NECTIN3: variants seen among roughly 807,000 people sequenced by gnomAD.
NECTIN3 encodes nectin-3.
NECTIN3 carries 8 observed loss-of-function variants against 49.4 expected under a neutral mutation model. The ratio of observed to expected loss-of-function variants is 0.16; its 90% CI spans 0.10 to 0.29. The LOEUF is 0.29. Ranked by LOEUF, NECTIN3 falls within the 10% of genes least tolerant of loss-of-function variation. The pLI is 1.00. For synonymous variants in NECTIN3, 277 were observed against 241.1 expected (o/e 1.15, Z -1.38); for missense variants, 581 against 654.6 (o/e 0.89, Z 1.23).
intron 7 of NECTIN3, chr3:111,147,503 A>C: frequency 6.9e-7 from 1 of 1,457,838 alleles, no homozygotes; most frequent in Non-Finnish European, 9.2e-7. Flanking sequence ...TCATGAGTAC[A>C]CTTAAGATAA....
chr3:111,075,523 T>G (rs1036509675), intron 1 of NECTIN3, among the ~76,000 whole-genome samples: 11 of 152,138 alleles, frequency 7.2e-5, no homozygotes, highest in African/African-American at 2.7e-4. Flanking sequence ...TGAAATATAG[T>G]AACACTCAAA....
At chr3:111,088,182 G>A (rs2032044498) in intron 1 of NECTIN3, among the ~76,000 whole-genome samples, 1 of 152,024 alleles carries the variant, frequency 6.6e-6, no homozygotes, top group East Asian at 1.9e-4. Context: ...AGAAGAGTGA[G>A]TTCTCACTCT....
At chr3:111,074,196 C>T (rs776950389) in intron 1 of NECTIN3, 19 of 455,862 alleles carry the variant, frequency 4.2e-5, no homozygotes, top group Middle Eastern at 3.2e-4. Context: ...TTGAATAGGG[C>T]ACAGATGTTG....
chr3:111,188,893 T>G (rs533668421), upstream of NECTIN3, among the ~76,000 whole-genome samples: 1 of 152,290 alleles, frequency 6.6e-6, no homozygotes, highest in African/African-American at 2.4e-5. Context: ...CAGCACATCT[T>G]CCAACCAAAT....
chr3:111,139,258 A>G (rs1418610599), downstream of NECTIN3, among the ~76,000 whole-genome samples: 4 of 151,748 alleles, frequency 2.6e-5, no homozygotes, highest in Non-Finnish European at 4.4e-5. Context: ...TTCTAATTGT[A>G]TGTATTTTGC....
At chr3:111,097,557 T>G (rs2107410738) in intron 1 of NECTIN3, among the ~76,000 whole-genome samples, 1 of 152,268 alleles carries the variant, frequency 6.6e-6, no homozygotes, top group South Asian at 2.1e-4. Context: ...TTCCCACATG[T>G]TGTGGGAGGG....
intron 7 of NECTIN3, among the ~76,000 whole-genome samples, chr3:111,162,184 G>GAAAATT: frequency 6.6e-6 from 1 of 152,060 alleles, no homozygotes; most frequent in African/African-American, 2.4e-5. Context: ...CATAGACCTT[G>GAAAATT]AAAATTAAAC....
chr3:111,180,865 C>T (rs765063144), intron 7 of NECTIN3, among the ~76,000 whole-genome samples: 1 of 152,114 alleles, frequency 6.6e-6, no homozygotes, highest in Non-Finnish European at 1.5e-5. Flanking sequence ...TCAATGACTT[C>T]TCAGTTTACT....
At chr3:111,101,029 G>A (rs1421039559) in intron 1 of NECTIN3, among the ~76,000 whole-genome samples, 1 of 152,058 alleles carries the variant, frequency 6.6e-6, no homozygotes, top group Non-Finnish European at 1.5e-5. Flanking sequence ...TGAAAGCCAG[G>A]AGGCTGCTTC....
chr3:111,176,981 C>G (rs1030581246), intron 7 of NECTIN3, among the ~76,000 whole-genome samples: 9 of 152,070 alleles, frequency 5.9e-5, no homozygotes, highest in African/African-American at 2.2e-4. Flanking sequence ...AAAATACATT[C>G]CGTATTGAAG....
Position 111,136,635 on chromosome 3 carries a change from A to G in NECTIN3, c.*2420A>G, listed in dbSNP as rs1016006080. The stretch of plus-strand genomic sequence containing the variant: ...TAGTTTTTGAATACCAGTGATATTC[A>G]TAACTACTTGACAGGTATATATGAA... On this transcript the variant is annotated 3_prime_UTR_variant, in exon 6 of 6. Transcript: ENST00000485303. 8.5e-5 allele frequency: 77 copies of G among 909,068 alleles called. No individual in the cohort carries two copies. The highest frequency in any genetic ancestry group is 1.2e-4 in the Admixed American group (2 of 16,052). The allele number at this position is 909,068 out of a possible 1,614,324, so 56.3% of individuals were successfully genotyped here.
intron 1 of NECTIN3, among the ~76,000 whole-genome samples, chr3:111,089,435 A>ATATAAATATGTATATG (rs2032126664): frequency 6.7e-6 from 1 of 149,492 alleles, no homozygotes; most frequent in Non-Finnish European, 1.5e-5. Context: ...GTGTGTATGT[A>ATATAAATATGTATATG]TATAAACATA....
chr3:111,095,615 A>G (rs760507281), intron 1 of NECTIN3, among the ~76,000 whole-genome samples: 4 of 152,294 alleles, frequency 2.6e-5, no homozygotes, highest in Non-Finnish European at 4.4e-5. Flanking sequence ...TCCTCACCCA[A>G]ATCTCATCTT....
intron 7 of NECTIN3, among the ~76,000 whole-genome samples, chr3:111,164,482 C>T (rs73854921): frequency 0.033 from 4,974 of 152,060 alleles, 95 homozygotes; most frequent in Middle Eastern, 0.058. Context: ...TATATATTTC[C>T]ACACTGCCTT....
chr3:111,167,194 T>G (rs920166509), intron 7 of NECTIN3, among the ~76,000 whole-genome samples: 3 of 152,246 alleles, frequency 2.0e-5, no homozygotes, highest in African/African-American at 7.2e-5. Flanking sequence ...TTTAAAGAGA[T>G]AACTCTACAT....
At chr3:111,173,228 G>C (rs1461331106) in intron 7 of NECTIN3, among the ~76,000 whole-genome samples, 1 of 152,168 alleles carries the variant, frequency 6.6e-6, no homozygotes, top group Non-Finnish European at 1.5e-5. Context: ...ACCTGCATCT[G>C]CTCCACATCT....
In NECTIN3 at chr3:111,136,954, G is replaced by A. The variant is rs2034599720; in HGVS notation, c.*2739G>A. 1.0e-6 allele frequency: 1 copy of A among 975,660 alleles called. No homozygotes were observed. The highest frequency in any genetic ancestry group is 1.2e-6 in the Non-Finnish European group (1 of 821,306). The allele number at this position is 975,660 out of a possible 1,614,324, so 60.4% of individuals were successfully genotyped here. ...TTAGTATTTTACCACGTGCCTAGTAGGGTTCTATTTGCTAACTCTAATATT... is the reference window on the plus strand; with the variant it reads ...TTAGTATTTTACCACGTGCCTAGTAAGGTTCTATTTGCTAACTCTAATATT... On this transcript the variant is annotated 3_prime_UTR_variant, in exon 6 of 6. Coordinates refer to ENST00000485303, the MANE Select transcript of NECTIN3 (RefSeq NM_015480.3).
chr3:111,152,527 T>G (rs1189607585), intron 7 of NECTIN3, among the ~76,000 whole-genome samples: 1 of 151,920 alleles, frequency 6.6e-6, no homozygotes, highest in Admixed American at 6.6e-5. Context: ...TTCCTGCAAA[T>G]TGTTATTCTT....
chr3:111,072,150 C>T lies in NECTIN3; in HGVS notation c.133C>T (p.Pro45Ser), dbSNP rs200790665. ...TPPPLLLLLF[P>S]LLLFSRLCGA... ...ACCTCCGCTGCTGCTGCTGCTCTTCCCGCTGCTGCTCTTCTCCAGGCTCTG... is the reference window on the plus strand; with the variant it reads ...ACCTCCGCTGCTGCTGCTGCTCTTCTCGCTGCTGCTCTTCTCCAGGCTCTG... The change falls in exon 1 of 6, where the codon CCG becomes TCG. Residue 45 changes from proline (P) to serine (S), a missense_variant. By Grantham distance (74) the Pro-to-Ser change is moderately conservative. Coordinates refer to ENST00000485303, the MANE Select transcript of NECTIN3 (RefSeq NM_015480.3). 799 of 1,552,238 alleles carry T rather than the reference C, an allele frequency of 5.1e-4. 7 individuals are homozygous for T. The highest frequency in any genetic ancestry group is 1.3e-4 in the Non-Finnish European group (151 of 1,148,170).
Sources: allele counts gnomAD v4.1 joint callset (sites outside exome capture counted in the v4.1 genomes callset), GRCh38; gene constraint gnomAD v4.1.1; transcripts MANE v1.5; gene names NCBI Gene and HGNC (gene_info 2026-07-23, HGNC 2026-07-21).